CNTNAP2: variants seen among roughly 807,000 people sequenced by gnomAD.
The protein encoded by CNTNAP2 is contactin-associated protein-like 2.
A neutral mutation model predicts 155.2 loss-of-function variants in CNTNAP2; 98 were observed. The observed-to-expected ratio is 0.63, with a 90% confidence interval of 0.54 to 0.75. The LOEUF is 0.75. Among genes scored for constraint, CNTNAP2 ranks in the 30% least tolerant of loss-of-function variants. The pLI is 0.00. For synonymous variants in CNTNAP2, 651 were observed against 631.2 expected (o/e 1.03, Z -0.47); for missense variants, 1,727 against 1,688.1 (o/e 1.02, Z -0.40).
chr7:147,400,896 G>A (rs527908114), intron 10 of CNTNAP2, among the ~76,000 whole-genome samples: 13 of 152,178 alleles, frequency 8.5e-5, no homozygotes, highest in African/African-American at 2.6e-4. Flanking sequence ...TATTTTTCTT[G>A]GAGCCAAAAG....
intron 3 of CNTNAP2, among the ~76,000 whole-genome samples, chr7:146,946,450 A>G (rs76562611): frequency 6.6e-6 from 1 of 152,180 alleles, no homozygotes; most frequent in Admixed American, 6.5e-5. Context: ...TAAGTAAAAA[A>G]TCTTCATTTC....
At chr7:148,125,948 C>A (rs1221353978) in intron 16 of CNTNAP2, among the ~76,000 whole-genome samples, 2 of 152,022 alleles carry the variant, frequency 1.3e-5, no homozygotes, top group Admixed American at 6.6e-5. Context: ...AGTGATCTGC[C>A]TGCCTCCACC....
At chr7:147,262,051 A>G (rs926000007) in intron 8 of CNTNAP2, among the ~76,000 whole-genome samples, 1 of 152,194 alleles carries the variant, frequency 6.6e-6, no homozygotes, top group Non-Finnish European at 1.5e-5. Flanking sequence ...CTGTGTTAGG[A>G]GGCAAGCAAA....
chr7:147,099,263 T>C (rs1345339977), intron 4 of CNTNAP2, among the ~76,000 whole-genome samples: 1 of 152,136 alleles, frequency 6.6e-6, no homozygotes, highest in African/African-American at 2.4e-5. Flanking sequence ...AGTTGGGGTG[T>C]GGACTCTGGA....
intron 18 of CNTNAP2, among the ~76,000 whole-genome samples, chr7:148,215,630 C>T (rs1795623479): frequency 6.6e-6 from 1 of 151,846 alleles, no homozygotes; most frequent in East Asian, 1.9e-4. Flanking sequence ...CAACGGTAAC[C>T]TGTCTTTGTA....
At chr7:146,254,483 G>A (rs1799807632) in intron 1 of CNTNAP2, among the ~76,000 whole-genome samples, 1 of 152,218 alleles carries the variant, frequency 6.6e-6, no homozygotes, top group African/African-American at 2.4e-5. Context: ...CAGGAAGTAA[G>A]ACAGTAAATG....
At chr7:147,780,042 GTGAA>G in intron 13 of CNTNAP2, among the ~76,000 whole-genome samples, 1 of 152,258 alleles carries the variant, frequency 6.6e-6, no homozygotes, top group African/African-American at 2.4e-5. Flanking sequence ...TGTAATTCCT[GTGAA>G]TGATTTTCAA....
intron 15 of CNTNAP2, among the ~76,000 whole-genome samples, chr7:147,982,883 T>G (rs568195883): frequency 6.6e-6 from 1 of 152,034 alleles, no homozygotes; most frequent in African/African-American, 2.4e-5. Context: ...CAGGGTGTGC[T>G]GGTGGCCGCC....
At chr7:147,341,038 T>C (rs888848768) in intron 9 of CNTNAP2, among the ~76,000 whole-genome samples, 1 of 151,376 alleles carries the variant, frequency 6.6e-6, no homozygotes, top group African/African-American at 2.4e-5. Flanking sequence ...AGACTAGTTA[T>C]AGACATGCCT....
At chr7:147,084,467 T>G (rs1284970976) in intron 4 of CNTNAP2, among the ~76,000 whole-genome samples, 1 of 142,058 alleles carries the variant, frequency 7.0e-6, no homozygotes, top group Admixed American at 7.4e-5. Context: ...ATGCTATATA[T>G]GTATATACAC....
chr7:147,743,357 A>G (rs1796983215), intron 13 of CNTNAP2, among the ~76,000 whole-genome samples: 1 of 152,196 alleles, frequency 6.6e-6, no homozygotes, highest in Non-Finnish European at 1.5e-5. Context: ...TGAATTGTAG[A>G]GAAGCTCATC....
chr7:147,099,645 A>G (rs1162778306), intron 4 of CNTNAP2, among the ~76,000 whole-genome samples: 5 of 152,200 alleles, frequency 3.3e-5, no homozygotes, highest in South Asian at 2.1e-4. Flanking sequence ...AACACTGACA[A>G]TGATATTTTA....
chr7:147,133,004 G>A (rs539792003), intron 8 of CNTNAP2, among the ~76,000 whole-genome samples: 6 of 152,026 alleles, frequency 3.9e-5, no homozygotes, highest in Non-Finnish European at 7.4e-5. Context: ...AAAAGAAAAC[G>A]AAAGTGAATA....
chr7:147,507,550 C>CTTTTTTTTTTTTTTTTTTTTTTTTT (rs3052511), intron 11 of CNTNAP2, among the ~76,000 whole-genome samples: 1 of 82,026 alleles, frequency 1.2e-5, no homozygotes, highest in Non-Finnish European at 2.2e-5. Context: ...CTCTTTCTTT[C>CTTTTTTTTTTTTTTTTTTTTTTTTT]TTTTTTTTTT....
intron 16 of CNTNAP2, among the ~76,000 whole-genome samples, chr7:148,134,361 C>G (rs1390887736): frequency 1.3e-5 from 2 of 152,160 alleles, no homozygotes; most frequent in Admixed American, 1.3e-4. Context: ...TATGCTCATC[C>G]TGCATTCCGG....
At chr7:148,191,349 C>T (rs1399546823) in intron 18 of CNTNAP2, among the ~76,000 whole-genome samples, 7 of 152,140 alleles carry the variant, frequency 4.6e-5, no homozygotes, top group Admixed American at 4.6e-4. Context: ...GGATGTTCAA[C>T]AAGAAGGCTC....
rs187537885 is a variant in CNTNAP2 at position 147,284,297 on chromosome 7, C to T, written c.1349-15844C>T. ...TGTAATTCAGCTGGAATGAAGCGTT[C>T]ATTTTAGTGATAAAAATTTGGAGGA... On this transcript the variant is annotated intron_variant, in intron 8 of 23. Coordinates refer to ENST00000361727, the MANE Select transcript of CNTNAP2 (RefSeq NM_014141.6). 3.6e-4 allele frequency among the ~76,000 whole-genome samples: 54 copies of T among 151,748 alleles called. 1 individual carries two copies. In the East Asian group the frequency reaches 7.0e-3, roughly 20 times the overall value.
At chr7:148,303,763 A>C (rs966191256) in intron 21 of CNTNAP2, among the ~76,000 whole-genome samples, 5 of 152,238 alleles carry the variant, frequency 3.3e-5, no homozygotes, top group African/African-American at 1.2e-4. Flanking sequence ...ATGACCTTTC[A>C]GATTGCTGGG....
At position 147,674,910 on chromosome 7, in the gene CNTNAP2, C is replaced by CT. The variant is rs144871233; in HGVS notation, c.2098+35614dup. Among the ~76,000 whole-genome samples, 111 of 149,168 alleles carry CT rather than the reference C, an allele frequency of 7.4e-4. No individual in the cohort carries two copies. In the South Asian group the frequency reaches 0.011, roughly 15 times the overall value. ...TTCTAAAAATTATGCATGATCAGCT[C>CT]TTTTTTTTTTCCATTTTCCTATCAG... On this transcript the variant is annotated intron_variant, in intron 13 of 23. Transcript: ENST00000361727.
Sources: allele counts gnomAD v4.1 joint callset (sites outside exome capture counted in the v4.1 genomes callset), GRCh38; gene constraint gnomAD v4.1.1; transcripts MANE v1.5; gene names NCBI Gene and HGNC (gene_info 2026-07-23, HGNC 2026-07-21).